COPG2: variants seen among roughly 807,000 people sequenced by gnomAD.
COPG2 encodes coat protein complex I subunit gamma 2.
Under a neutral mutation model 46.3 loss-of-function variants are expected in COPG2, and 37 were observed. That is an observed-to-expected ratio of 0.80 (90% CI 0.61 to 1.05). The LOEUF is 1.05. Ranked by LOEUF, COPG2 falls within the 50% of genes least tolerant of loss-of-function variation. COPG2 has a pLI of 0.00. For synonymous variants in COPG2, 159 were observed against 129.7 expected, an observed-to-expected ratio of 1.23 and a Z score of -1.53; for missense variants, 427 against 387.8, an observed-to-expected ratio of 1.10 and a Z score of -0.85.
At chr7:130,545,725 C>G (rs983016196) in intron 20 of COPG2, among the ~76,000 whole-genome samples, 4 of 152,024 alleles carry the variant, frequency 2.6e-5, no homozygotes, top group Non-Finnish European at 4.4e-5. Context: ...TCAAACAAAC[C>G]ATCAAGCAAA....
At chr7:130,623,093 G>C (rs1179590211) in intron 5 of COPG2, among the ~76,000 whole-genome samples, 2 of 152,142 alleles carry the variant, frequency 1.3e-5, no homozygotes, top group African/African-American at 4.8e-5. Context: ...ACATGGGAGT[G>C]TCAGCTGCCT....
chr7:130,547,699 A>G lies in COPG2; in HGVS notation c.2124T>C (p.Arg708=). 1 of 398,570 alleles carries G rather than the reference A, an allele frequency of 2.5e-6. No individual in the cohort carries two copies. The highest frequency in any genetic ancestry group is 3.6e-5 in the East Asian group (1 of 28,072). The allele number at this position is 398,570 out of a possible 1,614,324, so 24.7% of individuals were successfully genotyped here. The change falls in exon 20 of 24, where the codon CGT becomes CGC. Residue 708 remains arginine (R), a synonymous_variant. Transcript: ENST00000425248. ...NQPGICYTLV[R]LPDDDPTAVA... ...CTGCTGTAGGGTCATCATCAGGCAA[A>G]CGAACAAGAGTGTAACATATTCCTG...
intron 1 of COPG2, among the ~76,000 whole-genome samples, chr7:130,668,343 AG>A: frequency 6.7e-6 from 1 of 149,718 alleles, no homozygotes; most frequent in African/African-American, 2.4e-5. Flanking sequence ...GCCCGCGCGC[AG>A]GGGAGGAGGC....
chr7:130,568,545 C>T (rs914312469), intron 9 of COPG2, among the ~76,000 whole-genome samples: 1 of 152,058 alleles, frequency 6.6e-6, no homozygotes, highest in African/African-American at 2.4e-5. Context: ...AACACTGGAG[C>T]TCCCAAATTT....
At chr7:130,601,931 ACT>A (rs1794641133) in intron 9 of COPG2, among the ~76,000 whole-genome samples, 1 of 152,158 alleles carries the variant, frequency 6.6e-6, no homozygotes, top group Admixed American at 6.5e-5. Flanking sequence ...AAAGTGAGAA[ACT>A]AAAGCATCTG....
chr7:130,621,287 A>G (rs782352882), intron 5 of COPG2, among the ~76,000 whole-genome samples: 2 of 152,228 alleles, frequency 1.3e-5, no homozygotes, highest in Non-Finnish European at 2.9e-5. Flanking sequence ...CCAGAACTGT[A>G]AAAGAATTTG....
At chr7:130,566,413 G>C (rs1020596341) in intron 9 of COPG2, among the ~76,000 whole-genome samples, 12 of 152,226 alleles carry the variant, frequency 7.9e-5, no homozygotes, top group African/African-American at 2.9e-4. Flanking sequence ...GCAGTTTGGA[G>C]ATTTCTCAAA....
At chr7:130,632,242 G>C (rs1423099699) in intron 5 of COPG2, among the ~76,000 whole-genome samples, 1 of 152,170 alleles carries the variant, frequency 6.6e-6, no homozygotes, top group African/African-American at 2.4e-5. Context: ...ATGGTATTCT[G>C]AGTCATCACT....
chr7:130,622,706 T>G (rs782206402), intron 5 of COPG2, among the ~76,000 whole-genome samples: 3 of 152,132 alleles, frequency 2.0e-5, no homozygotes, highest in Non-Finnish European at 2.9e-5. Context: ...TACATTTCCT[T>G]CCCCACTGGC....
intron 9 of COPG2, among the ~76,000 whole-genome samples, chr7:130,583,706 G>A (rs1388280082): frequency 2.7e-5 from 4 of 147,484 alleles, no homozygotes; most frequent in African/African-American, 5.0e-5. Context: ...TTGGGAGGCT[G>A]AGGCAGGGGA....
chr7:130,617,263 C>T (rs1385104320), intron 5 of COPG2, among the ~76,000 whole-genome samples, 198 bp from the exon 6 acceptor site: 1 of 152,128 alleles, frequency 6.6e-6, no homozygotes, highest in Non-Finnish European at 1.5e-5. Context: ...AAGCAATGAG[C>T]AAAATTAGTA....
At chr7:130,588,685 T>C (rs1012677289) in intron 9 of COPG2, among the ~76,000 whole-genome samples, 9 of 152,112 alleles carry the variant, frequency 5.9e-5, no homozygotes, top group Non-Finnish European at 1.0e-4. Context: ...TTAGGAGATA[T>C]ATCTAATGCT....
chr7:130,646,538 T>C (rs772904246), intron 5 of COPG2, among the ~76,000 whole-genome samples: 9 of 152,206 alleles, frequency 5.9e-5, no homozygotes, highest in South Asian at 2.1e-4. Context: ...TGTTCGGACA[T>C]GTTATTAACA....
At chr7:130,525,691 A>G (rs1799766828) in intron 20 of COPG2, among the ~76,000 whole-genome samples, 1 of 152,220 alleles carries the variant, frequency 6.6e-6, no homozygotes, top group Non-Finnish European at 1.5e-5. Flanking sequence ...TAGGCAAGGG[A>G]GAGTCTCAAA....
intron 9 of COPG2, among the ~76,000 whole-genome samples, chr7:130,593,110 G>A (rs575874266): frequency 2.0e-4 from 31 of 152,298 alleles, no homozygotes; most frequent in Admixed American, 7.8e-4. Context: ...GGCCATTTGC[G>A]CTTAATTACA....
intron 9 of COPG2, among the ~76,000 whole-genome samples, chr7:130,594,244 C>G (rs1269657659): frequency 6.6e-6 from 1 of 152,100 alleles, no homozygotes; most frequent in Admixed American, 6.5e-5. Flanking sequence ...GACAAGCACA[C>G]CAAGACAATT....
chr7:130,531,675 A>G (rs924566696), intron 20 of COPG2, among the ~76,000 whole-genome samples: 4 of 152,114 alleles, frequency 2.6e-5, no homozygotes, highest in African/African-American at 9.7e-5. Context: ...TGCCAGGCCT[A>G]TTTGAGAGGG....
intron 14 of COPG2, among the ~76,000 whole-genome samples, chr7:130,553,793 T>C (rs1409784442): frequency 1.3e-5 from 2 of 152,292 alleles, no homozygotes; most frequent in Admixed American, 6.5e-5. Context: ...TGAGGAGTGA[T>C]GGAAACATGT....
chr7:130,566,377 G>A, intron 9 of COPG2, among the ~76,000 whole-genome samples: 1 of 152,232 alleles, frequency 6.6e-6, no homozygotes, highest in East Asian at 1.9e-4. Flanking sequence ...TGTTGGGAAT[G>A]CAAATTAGTT....
Sources: gnomAD v4.1 joint callset for allele counts (sites outside exome capture counted in the v4.1 genomes callset) on GRCh38, gnomAD v4.1.1 for gene constraint, MANE v1.5 for transcripts, NCBI Gene and HGNC (gene_info 2026-07-23, HGNC 2026-07-21) for gene names.